The following RBM46 variants were observed in gnomAD, a reference collection of about 807,000 sequenced individuals.
The protein encoded by RBM46 is probable RNA-binding protein 46.
RBM46 carries 12 observed loss-of-function variants against 43.3 expected under a neutral mutation model. The observed-to-expected ratio is 0.28, with a 90% CI of 0.18 to 0.45. The LOEUF (loss-of-function observed/expected upper bound fraction) is 0.45. RBM46 is among the 20% of genes least tolerant of loss of function. RBM46 has a pLI of 1.00. For missense variants in RBM46, 412 were observed against 639.1 expected (o/e 0.64, Z 3.83); for synonymous variants, 205 against 207.6 (o/e 0.99, Z 0.11).
At chr4:154,811,133 G>C (rs529123103) in intron 4 of RBM46, among the ~76,000 whole-genome samples, 1 of 152,160 alleles carries the variant, frequency 6.6e-6, no homozygotes, top group Non-Finnish European at 1.5e-5. Context: ...GAAGTAGTAC[G>C]GGGTGTTATG....
intron 4 of RBM46, among the ~76,000 whole-genome samples, chr4:154,816,707 A>G (rs1202239104): frequency 6.6e-6 from 1 of 151,246 alleles, no homozygotes; most frequent in Non-Finnish European, 1.5e-5. Context: ...GCCTTACTGC[A>G]CTGGCTAGAA....
At chr4:154,814,004 A>G (rs1425692030) in intron 4 of RBM46, among the ~76,000 whole-genome samples, 1 of 152,070 alleles carries the variant, frequency 6.6e-6, no homozygotes, top group Non-Finnish European at 1.5e-5. Flanking sequence ...AATTAGTTTC[A>G]GTGACATTTT....
intron 1 of RBM46, among the ~76,000 whole-genome samples, chr4:154,786,857 G>A (rs1733797985): frequency 6.6e-6 from 1 of 152,166 alleles, no homozygotes; most frequent in Non-Finnish European, 1.5e-5. Context: ...AACCTGGGGG[G>A]TGGAGGTTGC....
rs35749811 is a variant in RBM46, at chr4:154,785,409, T to TA, written c.-12+3986dup. Among the ~76,000 whole-genome samples, 971 of 146,166 alleles carry TA rather than the reference T, an allele frequency of 6.6e-3. 3 individuals carry two copies. Among genetic ancestry groups the TA allele is most frequent in the South Asian group, 0.023 (105 of 4,586 alleles). On this transcript the variant is annotated intron_variant, in intron 1 of 4. Coordinates refer to ENST00000281722, the MANE Select transcript of RBM46 (RefSeq NM_144979.5). ...TTTGGAGCTAGCTGTGAATTGTAGT[T>TA]AAAAAAAAAAAAAGTCTTGTTTATT...
intron 4 of RBM46, among the ~76,000 whole-genome samples, chr4:154,813,757 C>G (rs1311597016): frequency 6.6e-6 from 1 of 151,766 alleles, no homozygotes; most frequent in Non-Finnish European, 1.5e-5. Context: ...GTTTAGTTTC[C>G]TAAAAATAGG....
intron 1 of RBM46, chr4:154,787,254 C>G (rs1733824106): frequency 6.6e-6 from 1 of 151,874 alleles, no homozygotes; most frequent in South Asian, 2.1e-4. Context: ...AGGTTTGTTA[C>G]ATATGTACAC....
intron 1 of RBM46, among the ~76,000 whole-genome samples, chr4:154,795,224 G>A (rs1291201415): frequency 1.3e-5 from 2 of 152,066 alleles, no homozygotes; most frequent in Non-Finnish European, 2.9e-5. Flanking sequence ...ACTTATTATA[G>A]ACAGGTAAAC....
chr4:154,784,603 G>T (rs1347291786), intron 1 of RBM46, among the ~76,000 whole-genome samples: 2 of 151,902 alleles, frequency 1.3e-5, no homozygotes, highest in African/African-American at 4.8e-5. Flanking sequence ...TACAGTTTAG[G>T]GAAAAAAATA....
intron 2 of RBM46, among the ~76,000 whole-genome samples, chr4:154,797,560 G>A (rs1004440371): frequency 5.9e-5 from 9 of 151,940 alleles, no homozygotes; most frequent in African/African-American, 9.7e-5. Context: ...TAAATCTCAC[G>A]TACCCAGAGA....
chr4:154,826,047 A>G (rs1161271479), intron 4 of RBM46, among the ~76,000 whole-genome samples: 1 of 152,128 alleles, frequency 6.6e-6, no homozygotes, highest in Non-Finnish European at 1.5e-5. Flanking sequence ...AGAAGGAAAG[A>G]ATCAGACTTT....
At chr4:154,826,452 C>G (rs146989718) in intron 4 of RBM46, among the ~76,000 whole-genome samples, 2,978 of 152,166 alleles carry the variant, frequency 0.02, 98 homozygotes, top group African/African-American at 0.065. Flanking sequence ...GAGTGAAACT[C>G]TGTCTCAAAT....
intron 2 of RBM46, 143 bp downstream of exon 2, chr4:154,797,046 TA>T: frequency 1.7e-6 from 1 of 583,098 alleles, no homozygotes; most frequent in South Asian, 2.9e-5. Context: ...TGAGGAGAGT[TA>T]AATTATAAAT....
chr4:154,817,144 G>A (rs1735482704), intron 4 of RBM46, among the ~76,000 whole-genome samples: 1 of 151,476 alleles, frequency 6.6e-6, no homozygotes, highest in African/African-American at 2.4e-5. Flanking sequence ...AAAATAGTTG[G>A]GAAATGTTTT....
chr4:154,799,353 T>C lies in RBM46; in HGVS notation c.1191T>C (p.His397=), dbSNP rs373928915. The C allele has an allele frequency of 2.2e-5, 35 of 1,613,324 alleles. No homozygotes were observed. The East Asian group carries it at 7.4e-4, about 34-fold the overall frequency. Residue 397 remains histidine (H), a synonymous_variant, in exon 4 of 5, where the codon CAT becomes CAC. Transcript: ENST00000281722. ...ATCATTTTAATTCTGCAGTAATGCA[T>C]TTGGATTATTACTGCAACAAAAATA... ...KSNHFNSAVM[H]LDYYCNKNNW...
chr4:154,807,057 T>G (rs971911832), intron 4 of RBM46, among the ~76,000 whole-genome samples: 4 of 151,882 alleles, frequency 2.6e-5, no homozygotes, highest in African/African-American at 9.7e-5. Context: ...TACTGCTGTA[T>G]TAATCTAATG....
At chr4:154,797,073 C>A (rs1734390445) in intron 2 of RBM46, among the ~76,000 whole-genome samples, 170 bp downstream of exon 2, 1 of 151,626 alleles carries the variant, frequency 6.6e-6, no homozygotes, top group Non-Finnish European at 1.5e-5. Flanking sequence ...TCATGTCTTA[C>A]CATTACATTT....
chr4:154,827,806 C>T lies in RBM46; in HGVS notation c.1403-62C>T, dbSNP rs557472226. 8.7e-6 allele frequency: 14 copies of T among 1,603,510 alleles called. 1 individual carries two copies. The African/African-American group carries it at 1.2e-4, about 14-fold the overall frequency. On this transcript the variant is annotated intron_variant, in intron 4 of 4. Coordinates refer to ENST00000281722, the MANE Select transcript of RBM46 (RefSeq NM_144979.5). Reference sequence around the variant, plus strand: ...GTGATTATTGTTTAATGCTTTGTCTCTTTAAATTAAATTTGTGTCCATAAA... The same window carrying T: ...GTGATTATTGTTTAATGCTTTGTCTTTTTAAATTAAATTTGTGTCCATAAA...
chr4:154,788,120 C>T (rs1225423196), intron 1 of RBM46, among the ~76,000 whole-genome samples: 1 of 151,952 alleles, frequency 6.6e-6, no homozygotes, highest in Non-Finnish European at 1.5e-5. Flanking sequence ...TAAAAATTTT[C>T]TCCCATTCTG....
intron 1 of RBM46, among the ~76,000 whole-genome samples, chr4:154,785,242 T>G (rs1733700840): frequency 6.6e-6 from 1 of 152,096 alleles, no homozygotes; most frequent in Non-Finnish European, 1.5e-5. Context: ...AAGGAGCCTT[T>G]AATGTGTATG....
Sources: allele counts gnomAD v4.1 joint callset (sites outside exome capture counted in the v4.1 genomes callset), GRCh38; gene constraint gnomAD v4.1.1; transcripts MANE v1.5; gene names NCBI Gene and HGNC (gene_info 2026-07-23, HGNC 2026-07-21).